ARG1: variants seen among roughly 807,000 people sequenced by gnomAD.
ARG1 encodes the protein arginase 1, also known as arginase-1.
A neutral mutation model predicts 33.0 loss-of-function variants in ARG1; 20 were observed. The ratio of observed to expected loss-of-function variants is 0.61; its 90% CI spans 0.43 to 0.88. The LOEUF is 0.88. Ranked by LOEUF, ARG1 falls within the 40% of genes least tolerant of loss-of-function variation. The probability of loss-of-function intolerance (pLI) is 0.00; values close to 1 mark genes in which losing one functional copy is unlikely to be tolerated. For missense variants in ARG1, 374 were observed against 384.7 expected, an observed-to-expected ratio of 0.97 and a Z score of 0.23; for synonymous variants, 146 against 140.6, an observed-to-expected ratio of 1.04 and a Z score of -0.27.
At chr6:131,575,004 A>G (rs1014683966) in intron 1 of ARG1, among the ~76,000 whole-genome samples, 1 of 152,164 alleles carries the variant, frequency 6.6e-6, no homozygotes, top group African/African-American at 2.4e-5. Context: ...ACTTGTGGCC[A>G]TTTAGGGATT....
At chr6:131,582,131 A>G (rs1349530977) in intron 4 of ARG1, among the ~76,000 whole-genome samples, 1 of 152,200 alleles carries the variant, frequency 6.6e-6, no homozygotes, top group Admixed American at 6.5e-5. Flanking sequence ...TTTTGAACTA[A>G]TGACCAAGGG....
intron 3 of ARG1, among the ~76,000 whole-genome samples, chr6:131,580,254 A>T (rs532523411): frequency 1.3e-5 from 2 of 152,292 alleles, no homozygotes; most frequent in South Asian, 4.1e-4. Context: ...TCTGTATCAA[A>T]ACTGCAATTG....
At chr6:131,574,025 C>T (rs890300243) in intron 1 of ARG1, 16 of 512,406 alleles carry the variant, frequency 3.1e-5, no homozygotes, top group South Asian at 1.0e-4. Flanking sequence ...CTTACAGCCA[C>T]GAGCTGTGAA....
At chr6:131,579,794 T>TC (rs1450491842) in intron 3 of ARG1, 1 of 160,710 alleles carries the variant, frequency 6.2e-6, no homozygotes, top group Non-Finnish European at 1.4e-5. Flanking sequence ...TTTCATGGCA[T>TC]CTTTTTTTTC....
chr6:131,581,182 C>T (rs921307877), intron 3 of ARG1, 37 bp from the exon 4 acceptor site: 1 of 1,610,106 alleles, frequency 6.2e-7, no homozygotes, highest in South Asian at 1.1e-5. Context: ...AGTGACACTG[C>T]AAACCTGATG....
In ARG1 at chr6:131,582,767, T is replaced by C. The variant is rs754000888; in HGVS notation, c.560+52T>C. On this transcript the variant is annotated intron_variant, in intron 5 of 7. Transcript: ENST00000368087. ...CCTCCATTTTTGTCCCTTTGTGTGC[T>C]AGATATGCTTTACTGACCAACTCTA... 3.2e-5 allele frequency: 48 copies of C among 1,509,154 alleles called. No homozygotes were observed. In the East Asian group the frequency reaches 5.0e-4, roughly 16 times the overall value. 93.5% of individuals were successfully genotyped at this position (1,509,154 alleles called of 1,614,324 possible). A position where few individuals can be genotyped will look rare whatever the true frequency, so the allele number is the denominator to read the frequency against.
In ARG1 at chr6:131,579,274, C is replaced by A; in HGVS notation, c.294C>A (p.Gly98=). The A allele has an allele frequency of 6.2e-7, 1 of 1,613,912 alleles. No individual in the cohort carries two copies. Among genetic ancestry groups the A allele is most frequent in the Non-Finnish European group, 8.5e-7 (1 of 1,179,954 alleles). The change falls in exon 3 of 8, where the codon GGC becomes GGA. Residue 98 remains glycine (G), a synonymous_variant. Transcript: ENST00000368087. ...KKNGRISLVL[G]GDHSLAIGSI... ...ACGGAAGAATCAGCCTGGTGCTGGG[C>A]GGAGACCACAGGTCTTGTTGAATAA...
chr6:131,581,992 A>G (rs1773950231), intron 4 of ARG1, among the ~76,000 whole-genome samples: 1 of 152,220 alleles, frequency 6.6e-6, no homozygotes, highest in African/African-American at 2.4e-5. Flanking sequence ...CTTTGTTGAT[A>G]TGCCATAGTT....
intron 4 of ARG1, 52 bp from the exon 5 acceptor site, chr6:131,582,569 G>C: frequency 7.2e-7 from 1 of 1,379,818 alleles, no homozygotes; most frequent in South Asian, 1.2e-5. Context: ...TTTGAATGTA[G>C]GATTTGTTCA....
At position 131,579,284 on chromosome 6, in the gene ARG1, A is replaced by C; in HGVS notation, c.304A>C (p.Ser102Arg). Residue 102 changes from serine (S) to arginine (R), a missense_variant and splice_region_variant, in exon 3 of 8, where the codon AGT (serine) becomes CGT (arginine). Physicochemically the swap from Ser to Arg is moderately radical, Grantham distance 110. Coordinates refer to ENST00000368087, the MANE Select transcript of ARG1 (RefSeq NM_000045.4). Reference protein sequence around the residue: ...RISLVLGGDHSLAIGSISGHA... With the variant: ...RISLVLGGDHRLAIGSISGHA... ...CAGCCTGGTGCTGGGCGGAGACCAC[A>C]GGTCTTGTTGAATAACTGTGTCTAT... 3.7e-6 allele frequency: 6 copies of C among 1,613,970 alleles called. No individual in the cohort carries two copies. Among genetic ancestry groups the C allele is most frequent in the Non-Finnish European group, 5.1e-6 (6 of 1,179,932 alleles).
chr6:131,582,796 G>T, intron 5 of ARG1, 81 bp downstream of exon 5: 2 of 1,210,120 alleles, frequency 1.7e-6, no homozygotes, highest in Non-Finnish European at 2.5e-6. Context: ...AACTCTATGA[G>T]AGAAAATTAA....
chr6:131,576,546 TAGG>T, intron 1 of ARG1, 114 bp from the exon 2 acceptor site: 1 of 972,132 alleles, frequency 1.0e-6, no homozygotes, highest in Non-Finnish European at 1.6e-6. Context: ...CCTGGCTCTG[TAGG>T]AGCTCAAAAA....
chr6:131,578,256 C>T (rs1006687536), intron 2 of ARG1, among the ~76,000 whole-genome samples: 2 of 151,218 alleles, frequency 1.3e-5, no homozygotes, highest in Non-Finnish European at 1.5e-5. Context: ...GGACTTGTCC[C>T]TTAACTGACA....
At chr6:131,577,079 C>A (rs1359920570) in intron 2 of ARG1, among the ~76,000 whole-genome samples, 2 of 152,012 alleles carry the variant, frequency 1.3e-5, no homozygotes, top group Non-Finnish European at 2.9e-5. Context: ...AGCAAGAGGA[C>A]CCCTATTTGT....
At chr6:131,583,661 G>A in intron 7 of ARG1, 81 bp from the exon 8 acceptor site, 5 of 1,543,898 alleles carry the variant, frequency 3.2e-6, no homozygotes, top group Non-Finnish European at 4.4e-6. Context: ...TCTGTTAGTG[G>A]ATAATCTTTC....
At chr6:131,577,473 G>A (rs1276326164) in intron 2 of ARG1, among the ~76,000 whole-genome samples, 1 of 152,122 alleles carries the variant, frequency 6.6e-6, no homozygotes, top group African/African-American at 2.4e-5. Context: ...TTGGGTAAGA[G>A]ATTTGTGCTT....
At chr6:131,580,473 T>C (rs1286600662) in intron 3 of ARG1, among the ~76,000 whole-genome samples, 1 of 152,222 alleles carries the variant, frequency 6.6e-6, no homozygotes, top group Non-Finnish European at 1.5e-5. Context: ...AGGCATTGTA[T>C]AGTACTAGCT....
intron 1 of ARG1, 44 bp from the exon 2 acceptor site, chr6:131,576,619 T>C (rs770529240): frequency 3.2e-6 from 5 of 1,546,894 alleles, no homozygotes; most frequent in Non-Finnish European, 4.5e-6. Flanking sequence ...GAGCATCTGA[T>C]GGTCATGATA....
intron 4 of ARG1, among the ~76,000 whole-genome samples, chr6:131,582,012 G>A (rs1773951684): frequency 6.6e-6 from 1 of 152,102 alleles, no homozygotes; most frequent in African/African-American, 2.4e-5. Flanking sequence ...TTGTTGATAT[G>A]CCATAGTATA....
Sources: allele counts gnomAD v4.1 joint callset (sites outside exome capture counted in the v4.1 genomes callset), GRCh38; gene constraint gnomAD v4.1.1; transcripts MANE v1.5; gene names NCBI Gene and HGNC (gene_info 2026-07-23, HGNC 2026-07-21).